PTPRN2: variants seen among roughly 807,000 people sequenced by gnomAD.
PTPRN2 encodes the protein receptor-type tyrosine-protein phosphatase N2.
PTPRN2 carries 74 observed loss-of-function variants against 118.8 expected under a neutral mutation model. The ratio of observed to expected loss-of-function variants is 0.62; its 90% CI spans 0.52 to 0.76. The LOEUF is 0.76. Ranked by LOEUF, PTPRN2 falls within the 30% of genes least tolerant of loss-of-function variation. The pLI is 0.00. For synonymous variants in PTPRN2, 641 were observed against 608.0 expected, an observed-to-expected ratio of 1.05 and a Z score of -0.80; for missense variants, 1,481 against 1,394.4, an observed-to-expected ratio of 1.06 and a Z score of -0.99.
At chr7:157,973,705 C>T (rs974692307) in intron 11 of PTPRN2, among the ~76,000 whole-genome samples, 51 of 152,154 alleles carry the variant, frequency 3.4e-4, no homozygotes, top group African/African-American at 1.1e-3. Context: ...ATGTAAAGCA[C>T]TGTTGTAAGA....
chr7:157,972,760 G>A (rs76478561), intron 11 of PTPRN2, among the ~76,000 whole-genome samples: 197 of 136,432 alleles, frequency 1.4e-3, no homozygotes, highest in African/African-American at 3.9e-3. Context: ...CACCACGAGA[G>A]CAGGGCTTCA....
Position 157,964,091 on chromosome 7 carries a change from T to C in PTPRN2, c.1724-65354A>G, listed in dbSNP as rs1801730027. Among the ~76,000 whole-genome samples, 1 of 152,160 alleles carries C rather than the reference T, an allele frequency of 6.6e-6. No individual in the cohort carries two copies. Among genetic ancestry groups the C allele is most frequent in the African/African-American group, 2.4e-5 (1 of 41,430 alleles). ...CTTAGTCTTCATCTGTAAGAGGCTG[T>C]TGAGGGCACGACCACCTCGCAGTGA... is the stretch of plus-strand genomic sequence containing the variant. On this transcript the variant is annotated intron_variant, in intron 11 of 22. Coordinates refer to ENST00000389418, the MANE Select transcript of PTPRN2 (RefSeq NM_002847.5). The surrounding 1 kb of genome is among the most constrained non-coding windows in gnomAD (Gnocchi z 9.0).
At chr7:157,687,891 C>A (rs919287350) in intron 12 of PTPRN2, among the ~76,000 whole-genome samples, 1 of 152,182 alleles carries the variant, frequency 6.6e-6, no homozygotes, top group Non-Finnish European at 1.5e-5. Context: ...GAATTTGCCA[C>A]AGAATTCTAA....
chr7:158,476,246 C>T (rs572099603), intron 2 of PTPRN2, among the ~76,000 whole-genome samples: 4 of 152,342 alleles, frequency 2.6e-5, no homozygotes, highest in South Asian at 2.1e-4. Flanking sequence ...TCAAGCAATT[C>T]GCCTGCCTTG....
intron 2 of PTPRN2, among the ~76,000 whole-genome samples, chr7:158,363,291 G>A (rs1809154266): frequency 6.6e-6 from 1 of 152,074 alleles, no homozygotes; most frequent in African/African-American, 2.4e-5. Context: ...ATGGGAGGAC[G>A]CTCAGGTGCT....
chr7:158,390,039 T>A (rs1367254303), intron 2 of PTPRN2, among the ~76,000 whole-genome samples: 17 of 152,222 alleles, frequency 1.1e-4, no homozygotes, highest in Admixed American at 1.1e-3. Flanking sequence ...TACGGAGGGA[T>A]GAAGCCTCTC....
chr7:158,476,211 C>T (rs1820247142), intron 2 of PTPRN2, among the ~76,000 whole-genome samples: 1 of 152,130 alleles, frequency 6.6e-6, no homozygotes, highest in Non-Finnish European at 1.5e-5. Flanking sequence ...CACCATGTTG[C>T]CAGGCTGGTC....
At chr7:157,985,112 T>C (rs948447470) in intron 11 of PTPRN2, among the ~76,000 whole-genome samples, 7 of 152,234 alleles carry the variant, frequency 4.6e-5, no homozygotes, top group Non-Finnish European at 8.8e-5. Flanking sequence ...GAGCGTCGAC[T>C]GTGCTCACTC....
Position 157,594,291 on chromosome 7 carries a change from G to T in PTPRN2, c.2496+947C>A, listed in dbSNP as rs534243249. 6.6e-5 allele frequency among the ~76,000 whole-genome samples: 10 copies of T among 152,336 alleles called. 1 individual carries two copies. In the South Asian group the frequency reaches 1.9e-3, roughly 28 times the overall value. On this transcript the variant is annotated intron_variant, in intron 17 of 22. Coordinates refer to ENST00000389418, the MANE Select transcript of PTPRN2 (RefSeq NM_002847.5). ...AAGTAAAGGGAATAGGAAGAGCCTG[G>T]GGCAGAAGTGAATTTACCAACTCCG...
At chr7:158,392,819 T>A (rs952521704) in intron 2 of PTPRN2, among the ~76,000 whole-genome samples, 3 of 152,056 alleles carry the variant, frequency 2.0e-5, no homozygotes, top group Non-Finnish European at 4.4e-5. Context: ...TCTGTCCACA[T>A]CCCAAAGCCT....
Position 157,881,477 on chromosome 7 carries a change from G to T in PTPRN2, c.1788+17196C>A, listed in dbSNP as rs188307485. Among the ~76,000 whole-genome samples the T allele has an allele frequency of 8.5e-5, 13 of 152,208 alleles. No individual in the cohort carries two copies. The South Asian group carries it at 1.2e-3, about 15-fold the overall frequency. On this transcript the variant is annotated intron_variant, in intron 12 of 22. Transcript: ENST00000389418. This position sits in a 1 kb window ranked among gnomAD's most constrained non-coding sequence, Gnocchi z 4.7. ...CTTGATCTTGGACTTCAGCCACCAGGATTGTGAGCAATAAAGGTTTGTGAC... is the reference window on the plus strand; with the variant it reads ...CTTGATCTTGGACTTCAGCCACCAGTATTGTGAGCAATAAAGGTTTGTGAC...
chr7:158,169,253 G>T lies in PTPRN2; in HGVS notation c.550-1962C>A, dbSNP rs373090186. Among the ~76,000 whole-genome samples the T allele has an allele frequency of 8.5e-4, 130 of 152,176 alleles. 1 individual carries two copies. Among genetic ancestry groups the T allele is most frequent in the African/African-American group, 2.8e-3 (118 of 41,506 alleles). ...GGTTGGGGTTGTTTGGTTTTTCTGG[G>T]TTTTTTTGAGACAGAGTCTCCCTCT... On this transcript the variant is annotated intron_variant, in intron 5 of 22. Transcript: ENST00000389418.
At chr7:158,300,537 C>T (rs917342283) in intron 3 of PTPRN2, among the ~76,000 whole-genome samples, 2 of 5,388 alleles carry the variant, frequency 3.7e-4, no homozygotes, top group African/African-American at 1.2e-3. Context: ...AGAGAAGACA[C>T]CCCAATCTGC....
chr7:158,166,480 A>C (rs112608152), intron 6 of PTPRN2, among the ~76,000 whole-genome samples: 206 of 12,742 alleles, frequency 0.016, no homozygotes, highest in East Asian at 0.03. Context: ...CACTGTGTTC[A>C]CTGTCCTCAC....
intron 17 of PTPRN2, among the ~76,000 whole-genome samples, chr7:157,589,875 G>A (rs573283401): frequency 9.9e-5 from 15 of 152,242 alleles, no homozygotes; most frequent in South Asian, 2.1e-4. Flanking sequence ...GGCTGACAGC[G>A]GCGGCGTGGA....
intron 6 of PTPRN2, among the ~76,000 whole-genome samples, chr7:158,139,650 G>A (rs962871848): frequency 6.6e-6 from 1 of 152,016 alleles, no homozygotes; most frequent in African/African-American, 2.4e-5. Context: ...GCTACTGCAA[G>A]TCAGAGATGG....
At chr7:158,049,693 G>A (rs557470506) in intron 11 of PTPRN2, among the ~76,000 whole-genome samples, 1 of 152,296 alleles carries the variant, frequency 6.6e-6, no homozygotes, top group South Asian at 2.1e-4. Flanking sequence ...CTGAGGTCAG[G>A]GGTTCAAGAC....
At position 157,875,947 on chromosome 7, in the gene PTPRN2, G is replaced by A. The variant is rs187811421; in HGVS notation, c.1788+22726C>T. Among the ~76,000 whole-genome samples, 698 of 151,982 alleles carry A rather than the reference G, an allele frequency of 4.6e-3. 6 individuals carry two copies. Among genetic ancestry groups the A allele is most frequent in the African/African-American group, 0.016 (655 of 41,422 alleles). On this transcript the variant is annotated intron_variant, in intron 12 of 22. Transcript: ENST00000389418. ...GGGCTGCAGAGGGTCAGGAGGGGCC[G>A]AGCCCCCAGGCCAGGCATCCCCAGG...
chr7:158,362,031 T>A (rs1809025141), intron 2 of PTPRN2, among the ~76,000 whole-genome samples: 2 of 152,216 alleles, frequency 1.3e-5, no homozygotes, highest in Admixed American at 1.3e-4. Flanking sequence ...CCTCCGTCTG[T>A]CTGTCACTCA....
Sources: allele counts gnomAD v4.1 joint callset (sites outside exome capture counted in the v4.1 genomes callset), GRCh38; gene constraint gnomAD v4.1.1; non-coding constraint Gnocchi (gnomAD v3.1); transcripts MANE v1.5; gene names NCBI Gene and HGNC (gene_info 2026-07-23, HGNC 2026-07-21).